Variants in CFAP206 observed in about 807,000 individuals in gnomAD.
CFAP206 encodes the protein cilia and flagella associated protein 206.
CFAP206 carries 53 observed loss-of-function variants against 65.4 expected under a neutral mutation model. The ratio of observed to expected loss-of-function variants is 0.81; its 90% CI spans 0.65 to 1.02. The LOEUF (loss-of-function observed/expected upper bound fraction) is 1.02. CFAP206 is among the 50% of genes least tolerant of loss of function. The pLI, the probability that CFAP206 is intolerant of heterozygous loss-of-function variation, is 0.00. For missense variants in CFAP206, 663 were observed against 753.2 expected, an observed-to-expected ratio of 0.88 and a Z score of 1.40; for synonymous variants, 250 against 254.4, an observed-to-expected ratio of 0.98 and a Z score of 0.17.
Position 87,415,891 on chromosome 6 carries a change from A to G in CFAP206, c.472+17A>G. The G allele has an allele frequency of 6.9e-7, 1 of 1,455,774 alleles. No homozygotes were observed. The highest frequency in any genetic ancestry group is 9.1e-7 in the Non-Finnish European group (1 of 1,093,494). The allele number at this position is 1,455,774 out of a possible 1,614,324, so 90.2% of individuals were successfully genotyped here. On this transcript the variant is annotated intron_variant, in intron 5 of 12. Transcript: ENST00000369562. ...AGGTAACAGGTAAAAAGTATAACCA[A>G]TTTCCATTTCATAAGTGAAAATATA...
At chr6:87,422,480 G>A (rs565022598) in intron 7 of CFAP206, among the ~76,000 whole-genome samples, 93 of 147,750 alleles carry the variant, frequency 6.3e-4, no homozygotes, top group African/African-American at 2.1e-3. Context: ...GGCCGGGTGC[G>A]GTGGCTCACG....
Position 87,424,788 on chromosome 6 carries a change from T to G in CFAP206, c.841-1738T>G, listed in dbSNP as rs546975141. Among the ~76,000 whole-genome samples, 257 of 152,330 alleles carry G rather than the reference T, an allele frequency of 1.7e-3. 2 individuals carry two copies. The highest frequency in any genetic ancestry group is 5.8e-3 in the African/African-American group (240 of 41,588). ...CCCAAGTGTTGATTTATAATGTTTGTGTCATACAAAAAGTTCAGTTTCACA... is the reference window on the plus strand; with the variant it reads ...CCCAAGTGTTGATTTATAATGTTTGGGTCATACAAAAAGTTCAGTTTCACA... On this transcript the variant is annotated intron_variant, in intron 7 of 12. Transcript: ENST00000369562.
chr6:87,418,389 A>G lies in CFAP206; in HGVS notation c.813A>G (p.Gln271=). ...AAGAAGCGCTATATAATATACGACA[A>G]TATGAGGTCTTCCTTCAGATCATTT... ...MLKEALYNIR[Q]YEVFLQIILS... Residue 271 remains glutamine (Q), a synonymous_variant, in exon 7 of 13, where the codon CAA becomes CAG. Coordinates refer to ENST00000369562, the MANE Select transcript of CFAP206 (RefSeq NM_001031743.3). The G allele has an allele frequency of 6.2e-7, 1 of 1,614,126 alleles. No homozygotes were observed. The highest frequency in any genetic ancestry group is 8.5e-7 in the Non-Finnish European group (1 of 1,179,982).
chr6:87,417,256 C>A (rs891170960), intron 6 of CFAP206, among the ~76,000 whole-genome samples: 8 of 152,076 alleles, frequency 5.3e-5, no homozygotes, highest in African/African-American at 1.9e-4. Context: ...AATTCGGGGG[C>A]ATTTACTTTG....
intron 10 of CFAP206, 131 bp downstream of exon 10, chr6:87,431,304 A>C: frequency 1.1e-6 from 1 of 872,044 alleles, no homozygotes; most frequent in Non-Finnish European, 1.7e-6. Context: ...AGGATCTACA[A>C]AGATGATCCA....
At chr6:87,433,182 C>T (rs556095870) in intron 10 of CFAP206, among the ~76,000 whole-genome samples, 1 of 152,326 alleles carries the variant, frequency 6.6e-6, no homozygotes, top group South Asian at 2.1e-4. Flanking sequence ...TCCCTAATCA[C>T]TCAATTTAAA....
Position 87,415,735 on chromosome 6 carries a change from T to C in CFAP206, c.333T>C (p.Ser111=), listed in dbSNP as rs113915713. Residue 111 remains serine, a synonymous_variant, in exon 5 of 13, where the codon TCT becomes TCC. Coordinates refer to ENST00000369562, the MANE Select transcript of CFAP206 (RefSeq NM_001031743.3). ...HHRVLESRLG[S]VTREITDNRA... is the part of the protein sequence containing the mutation. Reference sequence around the variant, plus strand: ...GGGTCCTAGAGTCTAGATTAGGCTCTGTTACCCGAGAAATTACAGATAACA... The same window carrying C: ...GGGTCCTAGAGTCTAGATTAGGCTCCGTTACCCGAGAAATTACAGATAACA... 1.2e-6 allele frequency: 2 copies of C among 1,612,478 alleles called. No homozygotes were observed. Among genetic ancestry groups the C allele is most frequent in the South Asian group, 1.1e-5 (1 of 90,586 alleles).
chr6:87,427,835 T>C (rs756350766), intron 8 of CFAP206, among the ~76,000 whole-genome samples: 26 of 152,162 alleles, frequency 1.7e-4, no homozygotes, highest in Non-Finnish European at 2.9e-4. Context: ...AGTGACACTT[T>C]TGTGTTCATT....
intron 3 of CFAP206, among the ~76,000 whole-genome samples, chr6:87,411,105 A>G (rs867165445): frequency 7.9e-5 from 12 of 152,216 alleles, no homozygotes; most frequent in Non-Finnish European, 1.5e-4. Flanking sequence ...CCTTGCCCCA[A>G]TCCAAATTGA....
At chr6:87,424,869 AG>A (rs1768008490) in intron 7 of CFAP206, among the ~76,000 whole-genome samples, 1 of 152,238 alleles carries the variant, frequency 6.6e-6, no homozygotes. Context: ...TTTTAAGGTA[AG>A]GGCTTTACAA....
At chr6:87,433,076 A>G (rs1300263002) in intron 10 of CFAP206, among the ~76,000 whole-genome samples, 1 of 152,202 alleles carries the variant, frequency 6.6e-6, no homozygotes, top group African/African-American at 2.4e-5. Flanking sequence ...GTTGTTGAAC[A>G]GTTGAAGCCC....
rs189238724 is a variant in CFAP206 at position 87,419,994 on chromosome 6, T to C, written c.840+1578T>C. ...TGGGAGGCTAAGGTAGGAGAATTGC[T>C]TGAGCCCAGGAGCTTGAGGATACAG... On this transcript the variant is annotated intron_variant, in intron 7 of 12. Transcript: ENST00000369562. Among the ~76,000 whole-genome samples the C allele has an allele frequency of 7.9e-5, 12 of 152,294 alleles. No individual in the cohort carries two copies. The East Asian group carries it at 1.9e-3, about 24-fold the overall frequency.
chr6:87,453,770 C>T lies in CFAP206; in HGVS notation c.1495-7252C>T, dbSNP rs545633320. 3.9e-5 allele frequency among the ~76,000 whole-genome samples: 6 copies of T among 152,068 alleles called. No homozygotes were observed. The South Asian group carries it at 1.2e-3, about 32-fold the overall frequency. Reference sequence around the variant, plus strand: ...AAAAATATAAAGTAAGAAATTGAAACATACCACCAAAGAAAATCACTTTCA... The same window carrying T: ...AAAAATATAAAGTAAGAAATTGAAATATACCACCAAAGAAAATCACTTTCA... On this transcript the variant is annotated intron_variant, in intron 11 of 12. Coordinates refer to ENST00000369562, the MANE Select transcript of CFAP206 (RefSeq NM_001031743.3).
intron 10 of CFAP206, among the ~76,000 whole-genome samples, chr6:87,432,824 C>T (rs185142194): frequency 4.6e-5 from 7 of 152,324 alleles, no homozygotes; most frequent in East Asian, 1.9e-4. Context: ...TGAATTCTGA[C>T]GATTTCTGCT....
Position 87,428,609 on chromosome 6 carries a change from T to C in CFAP206, c.961-17T>C. 1.2e-6 allele frequency: 2 copies of C among 1,609,946 alleles called. No individual in the cohort carries two copies. The highest frequency in any genetic ancestry group is 1.7e-6 in the Non-Finnish European group (2 of 1,176,292). ...ATTACACAGTTGCATTTTGAATATT[T>C]TTTTTCTCTTCCTCAGCCTATCTTC... is the stretch of plus-strand genomic sequence containing the variant. On this transcript the variant is annotated splice_polypyrimidine_tract_variant and intron_variant, in intron 8 of 12. Transcript: ENST00000369562.
intron 11 of CFAP206, among the ~76,000 whole-genome samples, chr6:87,458,915 C>G (rs1768696727): frequency 6.6e-6 from 1 of 152,020 alleles, no homozygotes; most frequent in African/African-American, 2.4e-5. Flanking sequence ...CAAAATCTCT[C>G]ATGTAACCTG....
chr6:87,432,441 C>T (rs973395241), intron 10 of CFAP206, among the ~76,000 whole-genome samples: 3 of 152,068 alleles, frequency 2.0e-5, no homozygotes, highest in African/African-American at 7.2e-5. Flanking sequence ...CTTTCTCCTC[C>T]CTCCCTCTCT....
Position 87,415,728 on chromosome 6 carries a change from T to G in CFAP206, c.326T>G (p.Leu109Ter). The change falls in exon 5 of 13, where the codon TTA becomes TGA. Residue 109 changes from leucine (L) to a stop codon, truncating the protein, a stop_gained. Transcript: ENST00000369562. LOFTEE classifies it high-confidence loss of function. ...EEHHRVLESR[L>*]GSVTREITDN... ...CATCACCGGGTCCTAGAGTCTAGAT[T>G]AGGCTCTGTTACCCGAGAAATTACA... The G allele has an allele frequency of 3.7e-6, 6 of 1,612,350 alleles. No individual in the cohort carries two copies. Among genetic ancestry groups the G allele is most frequent in the Non-Finnish European group, 5.1e-6 (6 of 1,179,280 alleles).
intron 11 of CFAP206, among the ~76,000 whole-genome samples, chr6:87,440,011 T>G (rs1768338870): frequency 6.6e-6 from 1 of 152,170 alleles, no homozygotes; most frequent in Non-Finnish European, 1.5e-5. Flanking sequence ...ATTTGAGAAG[T>G]ACATAATGAA....
Sources: gnomAD v4.1 joint callset for allele counts (sites outside exome capture counted in the v4.1 genomes callset) on GRCh38, gnomAD v4.1.1 for gene constraint, MANE v1.5 for transcripts, NCBI Gene and HGNC (gene_info 2026-07-23, HGNC 2026-07-21) for gene names.